The following TMF1 variants were observed in gnomAD, a reference collection of about 807,000 sequenced individuals.
The protein encoded by TMF1 is TATA element modulatory factor.
In TMF1, 71 loss-of-function variants were observed where a neutral mutation model predicts 126.5. The observed-to-expected ratio is 0.56, with a 90% CI of 0.46 to 0.68. TMF1 has a LOEUF of 0.68. Among genes scored for constraint, TMF1 ranks in the 30% least tolerant of loss-of-function variants. The pLI is 0.00. For synonymous variants in TMF1, 461 were observed against 430.5 expected, an observed-to-expected ratio of 1.07 and a Z score of -0.88; for missense variants, 1,259 against 1,253.2, an observed-to-expected ratio of 1.00 and a Z score of -0.07.
At chr3:69,049,504 G>A (rs1435625311) in intron 1 of TMF1, among the ~76,000 whole-genome samples, 2 of 152,160 alleles carry the variant, frequency 1.3e-5, no homozygotes, top group African/African-American at 2.4e-5. Context: ...CTTAATCACA[G>A]GCTGATTCTC....
At position 69,035,095 on chromosome 3, in the gene TMF1, T is replaced by C; in HGVS notation, c.2172A>G (p.Ala724=). ...CAGCCGCTTGTTCTGTACGCTGCAATGCAAGCCTAAGGTCCCCCACCTGTA... is the reference window on the plus strand; with the variant it reads ...CAGCCGCTTGTTCTGTACGCTGCAACGCAAGCCTAAGGTCCCCCACCTGTA... The part of the protein sequence containing the change: ...LAIQVGDLRL[A]LQRTEQAAAR... The change falls in exon 9 of 17, where the codon GCA becomes GCG. Residue 724 remains alanine (A), a synonymous_variant. Transcript: ENST00000398559. The C allele has an allele frequency of 6.2e-7, 1 of 1,614,164 alleles. No homozygotes were observed. The highest frequency in any genetic ancestry group is 8.5e-7 in the Non-Finnish European group (1 of 1,179,998).
At chr3:69,027,499 G>C (rs774975354) in intron 13 of TMF1, among the ~76,000 whole-genome samples, 1 of 151,898 alleles carries the variant, frequency 6.6e-6, no homozygotes, top group African/African-American at 2.4e-5. Context: ...ATTACTTTGG[G>C]TCCACTCTGA....
rs2091906162 is a variant in TMF1 at position 69,048,076 on chromosome 3, A to G, written c.629T>C (p.Ile210Thr). 1 of 1,614,164 alleles carries G rather than the reference A, an allele frequency of 6.2e-7. No homozygotes were observed. The highest frequency in any genetic ancestry group is 8.5e-7 in the Non-Finnish European group (1 of 1,180,044). ...GAGAGACTGCGTAGACGTATTAGAT[A>G]TACTTTCCATAGTTGTTTTCACATC... ...VIDVKTTMES[I>T]SNTSTQSLTA... Residue 210 changes from isoleucine to threonine, a missense_variant, in exon 2 of 17, where the codon ATA becomes ACA. By Grantham distance (89) the Ile-to-Thr change is moderately conservative (BLOSUM62 -1). Coordinates refer to ENST00000398559, the MANE Select transcript of TMF1 (RefSeq NM_007114.3).
chr3:69,047,173 G>A (rs1212914205), intron 2 of TMF1, among the ~76,000 whole-genome samples, 185 bp downstream of exon 2: 1 of 152,104 alleles, frequency 6.6e-6, no homozygotes, highest in African/African-American at 2.4e-5. Flanking sequence ...AATTGCCTTG[G>A]AGAAATTCCA....
chr3:69,026,531 G>A (rs1241596969), intron 13 of TMF1, among the ~76,000 whole-genome samples: 2 of 152,204 alleles, frequency 1.3e-5, no homozygotes, highest in African/African-American at 4.8e-5. Context: ...AGGTGAGGTT[G>A]CGGTGAGCCG....
Position 69,047,483 on chromosome 3 carries a change from G to A in TMF1, c.1222C>T (p.Pro408Ser), listed in dbSNP as rs1299873206. Residue 408 changes from proline to serine, a missense_variant, in exon 2 of 17, where the codon CCT becomes TCT. Coordinates refer to ENST00000398559, the MANE Select transcript of TMF1 (RefSeq NM_007114.3). ...RSATPVNCEQ[P>S]DILVSSTPIN... is the part of the protein sequence containing the mutation. The stretch of plus-strand genomic sequence containing the variant: ...GGTGTGGAAGAAACCAAGATATCAG[G>A]CTGTTCACAGTTAACAGGAGTTGCA... 6 of 1,614,154 alleles carry A rather than the reference G, an allele frequency of 3.7e-6. No individual in the cohort carries two copies. The highest frequency in any genetic ancestry group is 5.1e-6 in the Non-Finnish European group (6 of 1,180,022).
chr3:69,037,217 G>A (rs773003630), intron 8 of TMF1, among the ~76,000 whole-genome samples: 4 of 152,230 alleles, frequency 2.6e-5, no homozygotes, highest in Non-Finnish European at 5.9e-5. Flanking sequence ...CAAATCAGCC[G>A]GGCGTAGTGG....
At chr3:69,024,319 CTCTT>C in intron 15 of TMF1, 139 bp from the exon 16 acceptor site, 1 of 719,478 alleles carries the variant, frequency 1.4e-6, no homozygotes, top group East Asian at 3.3e-5. Context: ...CTTGAGCTAG[CTCTT>C]TCTTAAGTAA....
intron 13 of TMF1, 74 bp from the exon 14 acceptor site, chr3:69,026,171 G>C: frequency 1.1e-6 from 1 of 931,526 alleles, no homozygotes; most frequent in Non-Finnish European, 1.7e-6. Flanking sequence ...ACATTTCCTA[G>C]GGTTAATGAG....
chr3:69,024,556 C>T (rs974324470), intron 15 of TMF1, among the ~76,000 whole-genome samples: 3 of 152,006 alleles, frequency 2.0e-5, no homozygotes, highest in Non-Finnish European at 4.4e-5. Flanking sequence ...TAGGTTGTAT[C>T]GACAGAGGCT....
At chr3:69,050,994 C>T (rs1198136536) in intron 1 of TMF1, among the ~76,000 whole-genome samples, 1 of 152,192 alleles carries the variant, frequency 6.6e-6, no homozygotes, top group East Asian at 1.9e-4. Flanking sequence ...CTTGGCTATT[C>T]AGAAATAAAA....
intron 5 of TMF1, among the ~76,000 whole-genome samples, chr3:69,041,518 A>G (rs1469847680): frequency 2.0e-5 from 3 of 152,214 alleles, no homozygotes; most frequent in Non-Finnish European, 4.4e-5. Flanking sequence ...CAGTGATTTA[A>G]GCACAAAAAC....
chr3:69,025,960 C>G (rs1460463449), intron 14 of TMF1, 36 bp downstream of exon 14: 1 of 1,507,154 alleles, frequency 6.6e-7, no homozygotes, highest in Non-Finnish European at 9.1e-7. Flanking sequence ...TATTATTATT[C>G]TAAGAACTAA....
At position 69,037,087 on chromosome 3, in the gene TMF1, C is replaced by T. The variant is rs145161025; in HGVS notation, c.2151+1477G>A. Among the ~76,000 whole-genome samples, 832 of 151,764 alleles carry T rather than the reference C, an allele frequency of 5.5e-3. 8 individuals carry two copies. Among genetic ancestry groups the T allele is most frequent in the African/African-American group, 0.019 (774 of 41,372 alleles). On this transcript the variant is annotated intron_variant, in intron 8 of 16. Transcript: ENST00000398559. The stretch of plus-strand genomic sequence containing the variant: ...TCATAATAACAATAAAAAGACAAAC[C>T]GCCCAATTTAAAAATGTGCAAAGGA...
In TMF1 at chr3:69,033,529, T is replaced by TA; in HGVS notation, c.2401+18dup. 1.2e-6 allele frequency: 2 copies of TA among 1,603,092 alleles called. No homozygotes were observed. The highest frequency in any genetic ancestry group is 1.7e-6 in the Non-Finnish European group (2 of 1,176,570). On this transcript the variant is annotated intron_variant, in intron 10 of 16. Transcript: ENST00000398559. Reference sequence around the variant, plus strand: ...GATGGAAGAGCTTCTGCATCGAGCATAAAAACTAAAGCAGTTACCAAGCCT... The same window carrying TA: ...GATGGAAGAGCTTCTGCATCGAGCATAAAAAACTAAAGCAGTTACCAAGCCT...
chr3:69,048,609 T>C, intron 1 of TMF1, 47 bp from the exon 2 acceptor site: 1 of 1,425,650 alleles, frequency 7.0e-7, no homozygotes, highest in Non-Finnish European at 9.4e-7. Context: ...ATATGTTACA[T>C]TAATATTTCA....
At chr3:69,043,641 C>T in intron 4 of TMF1, 109 bp downstream of exon 4, 1 of 1,080,544 alleles carries the variant, frequency 9.3e-7, no homozygotes, top group Non-Finnish European at 1.3e-6. Context: ...TAGATGATAT[C>T]CTTTTCACCT....
chr3:69,024,380 C>T (rs924062249), intron 15 of TMF1, 200 bp from the exon 16 acceptor site: 7 of 409,572 alleles, frequency 1.7e-5, no homozygotes, highest in Admixed American at 9.2e-5. Context: ...GAGAGGTATA[C>T]CGTTTATAAG....
chr3:69,035,733 C>A (rs1166129032), intron 8 of TMF1, among the ~76,000 whole-genome samples: 1 of 151,772 alleles, frequency 6.6e-6, no homozygotes, highest in African/African-American at 2.4e-5. Flanking sequence ...ATGAATATAA[C>A]CATTAAAAAT....
Sources: gnomAD v4.1 joint callset for allele counts (sites outside exome capture counted in the v4.1 genomes callset) on GRCh38, gnomAD v4.1.1 for gene constraint, MANE v1.5 for transcripts, NCBI Gene and HGNC (gene_info 2026-07-23, HGNC 2026-07-21) for gene names.